Variants in KIF21A observed in about 807,000 individuals in gnomAD.
KIF21A encodes the protein kinesin family member 21A.
Under a neutral mutation model 202.9 loss-of-function variants are expected in KIF21A, and 114 were observed. The observed-to-expected ratio is 0.56, with a 90% CI of 0.48 to 0.66. The LOEUF (loss-of-function observed/expected upper bound fraction) is 0.66, where lower values mean the gene tolerates loss of function less well. Among genes scored for constraint, KIF21A ranks in the 30% least tolerant of loss-of-function variants. The probability of loss-of-function intolerance (pLI) is 0.00; values close to 1 mark genes in which losing one functional copy is unlikely to be tolerated. For missense variants in KIF21A, 1,677 were observed against 1,994.9 expected (o/e 0.84, Z 3.04); for synonymous variants, 667 against 670.8 (o/e 0.99, Z 0.09).
At chr12:39,435,378 G>A (rs1938539191) in intron 1 of KIF21A, among the ~76,000 whole-genome samples, 1 of 152,186 alleles carries the variant, frequency 6.6e-6, no homozygotes, top group Non-Finnish European at 1.5e-5. Context: ...TTCAGAGGGA[G>A]AGAAAGAAGA....
intron 1 of KIF21A, among the ~76,000 whole-genome samples, chr12:39,436,334 C>T (rs1938679800): frequency 1.3e-5 from 2 of 149,546 alleles, no homozygotes; most frequent in Non-Finnish European, 1.5e-5. Flanking sequence ...TCAACTATCT[C>T]GAAGAAGGGG....
In KIF21A at chr12:39,340,960, G is replaced by A; in HGVS notation, c.2056C>T (p.Gln686Ter). 6.2e-7 allele frequency: 1 copy of A among 1,613,146 alleles called. No homozygotes were observed. Among genetic ancestry groups the A allele is most frequent in the Non-Finnish European group, 8.5e-7 (1 of 1,179,462 alleles). The change falls in exon 15 of 38, where the codon CAA becomes TAA. Residue 686 changes from glutamine to a stop codon, truncating the protein, a stop_gained. Transcript: ENST00000361418. LOFTEE classifies it high-confidence loss of function. Reference protein sequence around the residue: ...KQYEEKLMMLQHKIRDTQLER... With the variant: ...KQYEEKLMML ...AGCTGAGTATCCCGAATTTTATGTTGCAGCATCATTAGCTTCTCTTCATAC... is the reference window on the plus strand; with the variant it reads ...AGCTGAGTATCCCGAATTTTATGTTACAGCATCATTAGCTTCTCTTCATAC...
intron 1 of KIF21A, among the ~76,000 whole-genome samples, chr12:39,404,115 G>C (rs1952390910): frequency 6.6e-6 from 1 of 151,902 alleles, no homozygotes; most frequent in African/African-American, 2.4e-5. Context: ...TCACTATGTT[G>C]CCCAGGCTAG....
chr12:39,347,605 T>C (rs1181603826), intron 11 of KIF21A, among the ~76,000 whole-genome samples: 1 of 152,082 alleles, frequency 6.6e-6, no homozygotes, highest in African/African-American at 2.4e-5. Flanking sequence ...GATTCTTATT[T>C]ATTGGTCTGT....
At chr12:39,348,722 C>T (rs189146312) in intron 11 of KIF21A, among the ~76,000 whole-genome samples, 6 of 151,868 alleles carry the variant, frequency 4.0e-5, no homozygotes, top group African/African-American at 1.4e-4. Flanking sequence ...CTTAGAAGAG[C>T]TGAATCCAAA....
intron 6 of KIF21A, among the ~76,000 whole-genome samples, chr12:39,365,132 A>G (rs1276089083): frequency 6.6e-6 from 1 of 152,112 alleles, no homozygotes; most frequent in Non-Finnish European, 1.5e-5. Flanking sequence ...CTTAGACCCC[A>G]TATGATTTAA....
intron 1 of KIF21A, among the ~76,000 whole-genome samples, chr12:39,413,860 A>T (rs1397951636): frequency 1.3e-5 from 2 of 152,182 alleles, no homozygotes; most frequent in African/African-American, 4.8e-5. Context: ...AACATATGGA[A>T]TTAAAGCTAT....
chr12:39,368,427 C>T (rs1457849142), intron 3 of KIF21A, among the ~76,000 whole-genome samples: 3 of 152,110 alleles, frequency 2.0e-5, no homozygotes, highest in Non-Finnish European at 4.4e-5. Context: ...TTTCCTGTTG[C>T]CCTGAAACCT....
At chr12:39,416,690 TATATATATGTAC>T (rs1953683820) in intron 1 of KIF21A, among the ~76,000 whole-genome samples, 1 of 95,566 alleles carries the variant, frequency 1.0e-5, no homozygotes, top group African/African-American at 7.1e-5. Context: ...TATGTGTGTA[TATATATATGTAC>T]ATATATATGT....
chr12:39,335,344 G>A (rs796727615), intron 17 of KIF21A, among the ~76,000 whole-genome samples: 3 of 150,904 alleles, frequency 2.0e-5, no homozygotes, highest in African/African-American at 7.3e-5. Flanking sequence ...CCTGGGAGGC[G>A]GAGGTTAGAG....
At chr12:39,396,979 T>C (rs1358283791) in intron 1 of KIF21A, among the ~76,000 whole-genome samples, 1 of 152,186 alleles carries the variant, frequency 6.6e-6, no homozygotes, top group African/African-American at 2.4e-5. Context: ...TAGTGTATGA[T>C]TTTATTTATT....
intron 1 of KIF21A, among the ~76,000 whole-genome samples, chr12:39,406,223 T>C (rs1465671112): frequency 6.6e-6 from 1 of 151,944 alleles, no homozygotes; most frequent in East Asian, 1.9e-4. Context: ...TCAAGCAACA[T>C]ATTTGATACA....
rs143782701 is a variant in KIF21A at position 39,342,061 on chromosome 12, C to T, written c.1776G>A (p.Ser592=). 4.2e-4 allele frequency: 681 copies of T among 1,611,058 alleles called. 1 individual carries two copies. Among genetic ancestry groups the T allele is most frequent in the Non-Finnish European group, 5.1e-4 (606 of 1,177,774 alleles). Reference sequence around the variant, plus strand: ...CTTCTAATTCATTGTTTTCTCTTTCCGAAACACCCTTTTCTTCTTTCTTCT... The same window carrying T: ...CTTCTAATTCATTGTTTTCTCTTTCTGAAACACCCTTTTCTTCTTTCTTCT... ...DQEKKEEKGV[S]ERENNELEVE... Residue 592 remains serine, a synonymous_variant, in exon 13 of 38, where the codon TCG becomes TCA. Transcript: ENST00000361418.
Position 39,350,810 on chromosome 12 carries a change from G to A in KIF21A, c.1673+967C>T, listed in dbSNP as rs142005466. Among the ~76,000 whole-genome samples the A allele has an allele frequency of 2.3e-3, 350 of 152,102 alleles. 7 individuals carry two copies. Among genetic ancestry groups the A allele is most frequent in the Admixed American group, 0.02 (309 of 15,246 alleles). ...AATTGGAAGAATTTAAACTTCCAAT[G>A]ACTTTGATCAACTGGCTGCTCCAGG... On this transcript the variant is annotated intron_variant, in intron 11 of 37. Transcript: ENST00000361418.
intron 26 of KIF21A, among the ~76,000 whole-genome samples, chr12:39,324,054 G>A (rs1328390742): frequency 6.6e-6 from 1 of 151,912 alleles, no homozygotes; most frequent in East Asian, 1.9e-4. Flanking sequence ...AGGTTGCAGT[G>A]AGCTGAGATC....
rs982003702 is a variant in KIF21A, at chr12:39,368,012, A to G, written c.471T>C (p.Leu157=). ...QFLELYNEEV[L]DLFDTTRDID... ...TATCACGAGTGGTATCAAATAAGTC[A>G]AGGACCTCTTCATTATAGAGCTATC... Residue 157 remains leucine (L), a synonymous_variant, in exon 4 of 38, where the codon CTT becomes CTC. Transcript: ENST00000361418. The G allele has an allele frequency of 1.9e-6, 3 of 1,593,534 alleles. No homozygotes were observed. The highest frequency in any genetic ancestry group is 2.6e-6 in the Non-Finnish European group (3 of 1,162,910).
chr12:39,379,679 T>C (rs1950489727), intron 1 of KIF21A, among the ~76,000 whole-genome samples: 1 of 152,096 alleles, frequency 6.6e-6, no homozygotes, highest in South Asian at 2.1e-4. Flanking sequence ...GAGGTCAGAA[T>C]GTTTACTGTC....
chr12:39,419,845 T>C (rs1477023004), intron 1 of KIF21A, among the ~76,000 whole-genome samples: 1 of 152,002 alleles, frequency 6.6e-6, no homozygotes, highest in Non-Finnish European at 1.5e-5. Flanking sequence ...CTTTCAGAAA[T>C]TGAAGACCTA....
intron 9 of KIF21A, among the ~76,000 whole-genome samples, 171 bp from the exon 10 acceptor site, chr12:39,357,066 G>C (rs999667553): frequency 6.6e-6 from 1 of 152,136 alleles, no homozygotes; most frequent in Non-Finnish European, 1.5e-5. Flanking sequence ...ATTACAAAGG[G>C]AATATTTTGT....
Sources: gnomAD v4.1 joint callset for allele counts (sites outside exome capture counted in the v4.1 genomes callset) on GRCh38, gnomAD v4.1.1 for gene constraint, MANE v1.5 for transcripts, NCBI Gene and HGNC (gene_info 2026-07-23, HGNC 2026-07-21) for gene names.